Variants in FRZB observed in about 807,000 individuals in gnomAD.
FRZB encodes frizzled related protein.
In FRZB, 34 loss-of-function variants were observed where a neutral mutation model predicts 32.5. The observed-to-expected ratio is 1.05, with a 90% CI of 0.80 to 1.39. FRZB has a LOEUF of 1.39. FRZB is among the 40% of genes most tolerant of loss of function. The probability of loss-of-function intolerance (pLI) is 0.00; values close to 1 mark genes in which losing one functional copy is unlikely to be tolerated. For synonymous variants in FRZB, 170 were observed against 159.2 expected (o/e 1.07, Z -0.51); for missense variants, 423 against 424.8 (o/e 1.00, Z 0.04).
chr2:182,836,462 A>C (rs1031770453), intron 5 of FRZB, among the ~76,000 whole-genome samples: 1 of 152,100 alleles, frequency 6.6e-6, no homozygotes, highest in African/African-American at 2.4e-5. Flanking sequence ...TTAAATCCAG[A>C]CTGAGAATAT....
chr2:182,857,885 C>T (rs891267649), intron 2 of FRZB, among the ~76,000 whole-genome samples: 4 of 151,924 alleles, frequency 2.6e-5, no homozygotes, highest in Non-Finnish European at 5.9e-5. Flanking sequence ...ATGTGGATAG[C>T]AAATAAACAC....
intron 5 of FRZB, among the ~76,000 whole-genome samples, chr2:182,836,288 CT>C (rs1370050717): frequency 6.6e-6 from 1 of 151,910 alleles, no homozygotes; most frequent in African/African-American, 2.4e-5. Context: ...AAATAACATC[CT>C]CCATAAAACT....
In FRZB at chr2:182,838,565, G is replaced by A; in HGVS notation, c.641C>T (p.Thr214Ile). The change falls in exon 4 of 6, where the codon ACT becomes ATT. Residue 214 changes from threonine (T) to isoleucine (I), a missense_variant. Physicochemically the swap from Thr to Ile is moderately conservative, Grantham distance 89. Transcript: ENST00000295113. ...KEIKTKCHDVTAVVEVKEILK... is the reference protein window; with the variant it reads ...KEIKTKCHDVIAVVEVKEILK... The stretch of plus-strand genomic sequence containing the variant: ...AATCTCCTTCACCTCCACTACTGCA[G>A]TCACATCATGGCACTTAGTCTTTAT... 6.2e-7 allele frequency: 1 copy of A among 1,612,944 alleles called. No homozygotes were observed. Among genetic ancestry groups the A allele is most frequent in the Non-Finnish European group, 8.5e-7 (1 of 1,179,178 alleles).
At chr2:182,857,373 C>T (rs1317932281) in intron 2 of FRZB, among the ~76,000 whole-genome samples, 1 of 152,092 alleles carries the variant, frequency 6.6e-6, no homozygotes, top group East Asian at 1.9e-4. Flanking sequence ...GTAATCCCAG[C>T]ACTCTGTAAG....
At chr2:182,837,919 A>G in intron 5 of FRZB, 29 bp downstream of exon 5, 1 of 1,577,752 alleles carries the variant, frequency 6.3e-7, no homozygotes, top group Non-Finnish European at 8.7e-7. Context: ...TTTTCTGTGT[A>G]TTACTTCAAA....
chr2:182,842,584 A>T (rs1468895940), intron 2 of FRZB, 41 bp from the exon 3 acceptor site: 1 of 1,514,632 alleles, frequency 6.6e-7, no homozygotes, highest in Non-Finnish European at 9.2e-7. Flanking sequence ...TTCCAATATT[A>T]GCTTTCTTTT....
At chr2:182,856,054 T>A (rs1695764477) in intron 2 of FRZB, among the ~76,000 whole-genome samples, 1 of 152,008 alleles carries the variant, frequency 6.6e-6, no homozygotes, top group South Asian at 2.1e-4. Context: ...CCTTTAGGAA[T>A]GAAGGTGAAA....
intron 2 of FRZB, among the ~76,000 whole-genome samples, chr2:182,856,574 A>T (rs1000021508): frequency 6.6e-6 from 1 of 152,188 alleles, no homozygotes; most frequent in African/African-American, 2.4e-5. Flanking sequence ...TGATGTCTAC[A>T]AGAAATGTAT....
intron 2 of FRZB, among the ~76,000 whole-genome samples, chr2:182,853,898 A>C (rs1027916600): frequency 2.0e-5 from 3 of 152,226 alleles, no homozygotes; most frequent in Admixed American, 2.0e-4. Flanking sequence ...ATTGTAACAA[A>C]AACTGAAAAC....
intron 3 of FRZB, among the ~76,000 whole-genome samples, chr2:182,839,211 C>A (rs1695560588): frequency 6.6e-6 from 1 of 151,894 alleles, no homozygotes; most frequent in Non-Finnish European, 1.5e-5. Flanking sequence ...GATATTAGCT[C>A]CTTTCTTTCT....
At chr2:182,856,145 A>C (rs1695765522) in intron 2 of FRZB, among the ~76,000 whole-genome samples, 1 of 151,968 alleles carries the variant, frequency 6.6e-6, no homozygotes, top group African/African-American at 2.4e-5. Flanking sequence ...ATACTTAAGA[A>C]AGTTCTTCAG....
chr2:182,838,118 T>G, intron 4 of FRZB, 107 bp from the exon 5 acceptor site: 1 of 847,746 alleles, frequency 1.2e-6, no homozygotes. Flanking sequence ...TATTCTTGAA[T>G]AGGACAGCTA....
At chr2:182,853,554 A>T (rs1695733247) in intron 2 of FRZB, among the ~76,000 whole-genome samples, 1 of 152,214 alleles carries the variant, frequency 6.6e-6, no homozygotes, top group Non-Finnish European at 1.5e-5. Flanking sequence ...ATATAAAGTA[A>T]CAAAACAATT....
intron 2 of FRZB, among the ~76,000 whole-genome samples, chr2:182,843,241 G>T (rs1021698754): frequency 6.6e-6 from 1 of 152,096 alleles, no homozygotes; most frequent in Non-Finnish European, 1.5e-5. Flanking sequence ...TATTAGGTTG[G>T]TACAAAAGGA....
chr2:182,844,215 T>C (rs1695615485), intron 2 of FRZB, among the ~76,000 whole-genome samples: 1 of 152,188 alleles, frequency 6.6e-6, no homozygotes, highest in Non-Finnish European at 1.5e-5. Context: ...CCTGATAATT[T>C]TTAGCACACA....
rs529711506 is a variant in FRZB at position 182,846,965 on chromosome 2, A to C, written c.527-4422T>G. Among the ~76,000 whole-genome samples the C allele has an allele frequency of 6.9e-4, 105 of 152,290 alleles. 1 individual carries two copies. The highest frequency in any genetic ancestry group is 2.5e-3 in the African/African-American group (103 of 41,560). ...ATTCTTCTGTAAATATGAGATGAGA[A>C]AGGGAAAGAGAACTAACATTTGTTG... On this transcript the variant is annotated intron_variant, in intron 2 of 5. Coordinates refer to ENST00000295113, the MANE Select transcript of FRZB (RefSeq NM_001463.4).
At chr2:182,836,937 C>T (rs1265324560) in intron 5 of FRZB, among the ~76,000 whole-genome samples, 1 of 151,940 alleles carries the variant, frequency 6.6e-6, no homozygotes, top group South Asian at 2.1e-4. Context: ...GTCACTTAAA[C>T]CCAAACGTGT....
At chr2:182,864,913 A>G (rs1364119959) in intron 1 of FRZB, among the ~76,000 whole-genome samples, 6 of 152,194 alleles carry the variant, frequency 3.9e-5, no homozygotes, top group South Asian at 2.1e-4. Context: ...CACTCATGAA[A>G]AAAAATTGCC....
Position 182,858,844 on chromosome 2 carries a change from GT to G in FRZB, c.479-12del. On this transcript the variant is annotated splice_polypyrimidine_tract_variant and intron_variant, in intron 1 of 5. Coordinates refer to ENST00000295113, the MANE Select transcript of FRZB (RefSeq NM_001463.4). ...AATCCATAGGAAAATCTGAAAGGAG[GT>G]GACAGAAAAAAGAACTATAACATAT... 6.2e-7 allele frequency: 1 copy of G among 1,604,994 alleles called. No homozygotes were observed. Among genetic ancestry groups the G allele is most frequent in the Non-Finnish European group, 8.5e-7 (1 of 1,173,464 alleles).
Sources: allele counts gnomAD v4.1 joint callset (sites outside exome capture counted in the v4.1 genomes callset), GRCh38; gene constraint gnomAD v4.1.1; transcripts MANE v1.5; gene names NCBI Gene and HGNC (gene_info 2026-07-23, HGNC 2026-07-21).